Variants in CTC1 observed in about 807,000 individuals in gnomAD.
CTC1 encodes the protein CST telomere replication complex component 1.
In CTC1, 91 loss-of-function variants were observed where a neutral mutation model predicts 136.3. The observed-to-expected ratio is 0.67, with a 90% confidence interval of 0.56 to 0.79. The LOEUF is 0.79. CTC1 is among the 30% of genes least tolerant of loss of function. CTC1 has a pLI of 0.00. For synonymous variants in CTC1, 606 were observed against 613.8 expected, an observed-to-expected ratio of 0.99 and a Z score of 0.19; for missense variants, 1,432 against 1,498.1, an observed-to-expected ratio of 0.96 and a Z score of 0.73.
chr17:8,237,524 G>A lies in CTC1; in HGVS notation c.648-5C>T. On this transcript the variant is annotated splice_polypyrimidine_tract_variant and splice_region_variant and intron_variant, in intron 4 of 22. Coordinates refer to ENST00000651323, the MANE Select transcript of CTC1 (RefSeq NM_025099.6). ...TGCACACCTCTGAGCTTGTTTCTAA[G>A]AAGGAAGAAAAAGCCCTGTAATCCC... is the stretch of plus-strand genomic sequence containing the variant. 6.2e-7 allele frequency: 1 copy of A among 1,613,772 alleles called. No homozygotes were observed. The highest frequency in any genetic ancestry group is 8.5e-7 in the Non-Finnish European group (1 of 1,179,886).
rs201455840 is a variant in CTC1 at position 8,228,592 on chromosome 17, A to T, written c.3425T>A (p.Leu1142His). ...ARVDEPMTMF[L>H]WTLCTSPSVL... is the part of the protein sequence containing the mutation. Reference sequence around the variant, plus strand: ...AGAGGGGCTAGTACAAAGTGTCCAGAGGAACATGGTCATGGGCTCGTCAAC... The same window carrying T: ...AGAGGGGCTAGTACAAAGTGTCCAGTGGAACATGGTCATGGGCTCGTCAAC... The change falls in exon 22 of 23, where the codon CTC becomes CAC. Residue 1142 changes from leucine to histidine, a missense_variant. Leu to His is a moderately conservative substitution (Grantham distance 99). Transcript: ENST00000651323. 62 of 1,614,092 alleles carry T rather than the reference A, an allele frequency of 3.8e-5. No homozygotes were observed. The highest frequency in any genetic ancestry group is 4.2e-6 in the Non-Finnish European group (5 of 1,180,040).
In CTC1 at chr17:8,232,467, C is replaced by G. The variant is rs769147608; in HGVS notation, c.1954G>C (p.Val652Leu). The G allele has an allele frequency of 8.7e-6, 14 of 1,613,630 alleles. No individual in the cohort carries two copies. The South Asian group carries it at 1.1e-4, about 13-fold the overall frequency. The change falls in exon 12 of 23, where the codon GTG (valine) becomes CTG (leucine). Residue 652 changes from valine to leucine, a missense_variant. Coordinates refer to ENST00000651323, the MANE Select transcript of CTC1 (RefSeq NM_025099.6). Reference protein sequence around the residue: ...LSDPRLIGCLVRAERFQLIVE... With the variant: ...LSDPRLIGCLLRAERFQLIVE... ...ATCAACTGAAACCTCTCTGCCCGCA[C>G]CAGGCAGCCTAGAGGAAGAAAGTTT...
chr17:8,237,342 C>G lies in CTC1; in HGVS notation c.792+33G>C, dbSNP rs367813847. ...TACTGAAAGTTCTACCACCCTCCCCCACTTCCATGGCTGAAATGACCCCAG... is the reference window on the plus strand; with the variant it reads ...TACTGAAAGTTCTACCACCCTCCCCGACTTCCATGGCTGAAATGACCCCAG... On this transcript the variant is annotated intron_variant, in intron 5 of 22. Transcript: ENST00000651323. The G allele has an allele frequency of 3.9e-5, 63 of 1,613,134 alleles. 1 individual carries two copies. The highest frequency in any genetic ancestry group is 3.1e-4 in the South Asian group (28 of 91,044).
intron 15 of CTC1, chr17:8,230,854 A>AC: frequency 1.7e-6 from 1 of 579,778 alleles, no homozygotes; most frequent in Non-Finnish European, 3.1e-6. Context: ...ATCATTCAAA[A>AC]CCCGCACAAG....
At position 8,232,152 on chromosome 17, in the gene CTC1, G is replaced by C; in HGVS notation, c.2136C>G (p.Pro712=). 1 of 1,524,406 alleles carries C rather than the reference G, an allele frequency of 6.6e-7. No individual in the cohort carries two copies. The highest frequency in any genetic ancestry group is 8.8e-7 in the Non-Finnish European group (1 of 1,140,076). The allele number at this position is 1,524,406 out of a possible 1,614,324, so 94.4% of individuals were successfully genotyped here. A position where few individuals can be genotyped will look rare whatever the true frequency, so the allele number is the denominator to read the frequency against. The change falls in exon 13 of 23, where the codon CCC becomes CCG. Residue 712 remains proline (P), a synonymous_variant. Transcript: ENST00000651323. ...VPRPCLHSAT[P]STPQTDPTGP... ...CGGTGGGATCTGTCTGAGGTGTTGA[G>C]GGTGTTGCTGAATGAAGGCAGGGTC...
At chr17:8,234,969 T>C (rs1987578679) in intron 8 of CTC1, 43 bp from the exon 9 acceptor site, 1 of 1,594,406 alleles carries the variant, frequency 6.3e-7, no homozygotes, top group African/African-American at 1.3e-5. Context: ...CTGAAGAGCC[T>C]GCCTCTTCAA....
chr17:8,235,890 G>C lies in CTC1; in HGVS notation c.1147C>G (p.Leu383Val). The stretch of plus-strand genomic sequence containing the variant: ...AGGCCACGGAACTGCTGGTAGGCAA[G>C]GCAGAGCCCCAGCTGCCCATCCAGC... Reference protein sequence around the residue: ...YELDGQLGLCLAYQQFRGLRR... With the variant: ...YELDGQLGLCVAYQQFRGLRR... The change falls in exon 7 of 23, where the codon CTT becomes GTT. Residue 383 changes from leucine (L) to valine (V), a missense_variant. Coordinates refer to ENST00000651323, the MANE Select transcript of CTC1 (RefSeq NM_025099.6). 1.9e-6 allele frequency: 3 copies of C among 1,613,954 alleles called. No individual in the cohort carries two copies. The highest frequency in any genetic ancestry group is 2.5e-6 in the Non-Finnish European group (3 of 1,179,840).
Position 8,238,211 on chromosome 17 carries a change from T to C in CTC1, c.467A>G (p.His156Arg). ...LIDLDLSWLG[H>R]LFLFPRWSYL... Reference sequence around the variant, plus strand: ...ACTCCAACGGGGGAACAGAAAAAGATGGCCCAACCAAGAAAGGTCCAGGTC... The same window carrying C: ...ACTCCAACGGGGGAACAGAAAAAGACGGCCCAACCAAGAAAGGTCCAGGTC... Residue 156 changes from histidine to arginine, a missense_variant, in exon 4 of 23, where the codon CAT (histidine) becomes CGT (arginine). By Grantham distance (29) the His-to-Arg change is conservative (BLOSUM62 0). Transcript: ENST00000651323. 6.2e-7 allele frequency: 1 copy of C among 1,610,982 alleles called. No homozygotes were observed.
Position 8,227,066 on chromosome 17 carries a change from C to T in CTC1, c.*1114G>A, listed in dbSNP as rs886457200. On this transcript the variant is annotated 3_prime_UTR_variant, in exon 23 of 23. Coordinates refer to ENST00000651323, the MANE Select transcript of CTC1 (RefSeq NM_025099.6). ...TCTAACCAACTGAGCTAACCGGCCA[C>T]TAACTTTCCGGGTCTACTTCAAATC... 6.6e-6 allele frequency: 1 copy of T among 150,888 alleles called. No homozygotes were observed. The highest frequency in any genetic ancestry group is 1.5e-5 in the Non-Finnish European group (1 of 68,030). 9.3% of individuals were successfully genotyped at this position (150,888 alleles called of 1,614,324 possible). A position where few individuals can be genotyped will look rare whatever the true frequency, so the allele number is the denominator to read the frequency against.
chr17:8,234,724 C>T (rs746704021), intron 9 of CTC1, 25 bp downstream of exon 9: 2 of 1,580,114 alleles, frequency 1.3e-6, no homozygotes, highest in South Asian at 2.3e-5. Context: ...TGTTCTGCCA[C>T]CATCCTTCCC....
In CTC1 at chr17:8,236,156, A is replaced by T; in HGVS notation, c.979T>A (p.Leu327Ile). Residue 327 changes from leucine to isoleucine, a missense_variant, in exon 6 of 23, where the codon TTA becomes ATA. By Grantham distance (5) the Leu-to-Ile change is conservative. Coordinates refer to ENST00000651323, the MANE Select transcript of CTC1 (RefSeq NM_025099.6). ...ELELELEGPL[L>I]EADPKPLPMP... ...GGGAGTGGCTTGGGGTCAGCCTCTA[A>T]GAGGGGTCCTTCCAGCTCCAGTTCC... 6.2e-7 allele frequency: 1 copy of T among 1,614,178 alleles called. No individual in the cohort carries two copies. The highest frequency in any genetic ancestry group is 8.5e-7 in the Non-Finnish European group (1 of 1,180,032).
Position 8,238,581 on chromosome 17 carries a change from G to A in CTC1, c.246C>T (p.Cys82=), listed in dbSNP as rs1987946243. Residue 82 remains cysteine (C), a synonymous_variant, in exon 3 of 23, where the codon TGC becomes TGT. Coordinates refer to ENST00000651323, the MANE Select transcript of CTC1 (RefSeq NM_025099.6). ...CACTACTGCTCCACGACAGGTGGCT[G>A]CAGCATGGGAGACGCTGGTGAGTCT... The part of the protein sequence containing the change: ...DLKTHQRLPC[C]SHLSWSSSAY... 1 of 1,613,748 alleles carries A rather than the reference G, an allele frequency of 6.2e-7. No individual in the cohort carries two copies. The highest frequency in any genetic ancestry group is 2.2e-5 in the East Asian group (1 of 44,882).
In CTC1 at chr17:8,225,966, A is replaced by T. The variant is rs1466837714; in HGVS notation, c.*2214T>A. 1.3e-5 allele frequency: 2 copies of T among 152,046 alleles called. No individual in the cohort carries two copies. The highest frequency in any genetic ancestry group is 4.8e-5 in the African/African-American group (2 of 41,388). 9.4% of individuals were successfully genotyped at this position (152,046 alleles called of 1,614,324 possible). On this transcript the variant is annotated 3_prime_UTR_variant, in exon 23 of 23. Transcript: ENST00000651323. ...GGAAGGTGGGCAGCCCCTTCCATCG[A>T]GGGTGGGGCGGCCGCCTGACCCAGT...
chr17:8,237,169 C>T (rs1260851568), intron 5 of CTC1, among the ~76,000 whole-genome samples: 1 of 151,930 alleles, frequency 6.6e-6, no homozygotes, highest in Non-Finnish European at 1.5e-5. Flanking sequence ...GCTGTGTGCT[C>T]AAGTGAGTTG....
In CTC1 at chr17:8,230,285, C is replaced by A. The variant is rs771460597; in HGVS notation, c.2933+9G>T. 1 of 1,606,454 alleles carries A rather than the reference C, an allele frequency of 6.2e-7. No homozygotes were observed. On this transcript the variant is annotated intron_variant, in intron 17 of 22. Coordinates refer to ENST00000651323, the MANE Select transcript of CTC1 (RefSeq NM_025099.6). ...GCAAGAGGAGGCAGGTGACACTACA[C>A]ATCTTCACCTGGAAACCCTTTTCTC... is the stretch of plus-strand genomic sequence containing the variant.
At position 8,228,258 on chromosome 17, in the gene CTC1, G is replaced by C. The variant is rs2151496784; in HGVS notation, c.3576C>G (p.Pro1192=). 1.2e-6 allele frequency: 2 copies of C among 1,614,128 alleles called. No homozygotes were observed. The highest frequency in any genetic ancestry group is 2.2e-5 in the South Asian group (2 of 91,082). The change falls in exon 23 of 23, where the codon CCC becomes CCG. Residue 1192 remains proline, a synonymous_variant. Coordinates refer to ENST00000651323, the MANE Select transcript of CTC1 (RefSeq NM_025099.6). ...GELPFLTHVN[P]RLRLSCLSIR... ...TAGAAAGGCAGGACAATCGGAGCCT[G>C]GGGTTCACGTGAGTCAGGAAAGGGA... is the stretch of plus-strand genomic sequence containing the variant.
intron 2 of CTC1, among the ~76,000 whole-genome samples, chr17:8,239,619 A>C (rs923589545): frequency 6.6e-6 from 1 of 150,454 alleles, no homozygotes; most frequent in Non-Finnish European, 1.5e-5. Context: ...ATGGGGTTTC[A>C]CCATGTTGTC....
chr17:8,236,484 C>A, intron 5 of CTC1, 142 bp from the exon 6 acceptor site: 1 of 830,186 alleles, frequency 1.2e-6, no homozygotes, highest in Non-Finnish European at 1.8e-6. Context: ...CTATGTCTGC[C>A]AACTAAATCT....
chr17:8,229,105 G>A (rs192873058), intron 20 of CTC1, 37 bp downstream of exon 20: 6 of 1,604,290 alleles, frequency 3.7e-6, no homozygotes, highest in Admixed American at 1.7e-5. Context: ...GGTCTCATAA[G>A]TAAATGGCAC....
Sources: gnomAD v4.1 joint callset for allele counts (sites outside exome capture counted in the v4.1 genomes callset) on GRCh38, gnomAD v4.1.1 for gene constraint, MANE v1.5 for transcripts, NCBI Gene and HGNC (gene_info 2026-07-23, HGNC 2026-07-21) for gene names.